Variants in L3MBTL4 observed in about 807,000 individuals in gnomAD.
L3MBTL4 encodes the protein L3MBTL histone methyl-lysine binding protein 4, also known as lethal(3)malignant brain tumor-like protein 4.
A neutral mutation model predicts 84.5 loss-of-function variants in L3MBTL4; 70 were observed. The ratio of observed to expected loss-of-function variants is 0.83; its 90% CI spans 0.68 to 1.01. The LOEUF (loss-of-function observed/expected upper bound fraction) is 1.01. Among genes scored for constraint, L3MBTL4 ranks in the 50% least tolerant of loss-of-function variants. The pLI, the probability that L3MBTL4 is intolerant of heterozygous loss-of-function variation, is 0.00. For missense variants in L3MBTL4, 715 were observed against 754.8 expected, an observed-to-expected ratio of 0.95 and a Z score of 0.62; for synonymous variants, 274 against 259.8, an observed-to-expected ratio of 1.05 and a Z score of -0.52.
chr18:6,092,572 G>C (rs1334008015), intron 15 of L3MBTL4, among the ~76,000 whole-genome samples: 1 of 152,140 alleles, frequency 6.6e-6, no homozygotes, highest in Non-Finnish European at 1.5e-5. Context: ...CCTGTGGCAG[G>C]GTCAGGAAAA....
At chr18:5,979,012 C>T (rs139425999) in intron 16 of L3MBTL4, among the ~76,000 whole-genome samples, 3 of 152,162 alleles carry the variant, frequency 2.0e-5, no homozygotes, top group Non-Finnish European at 2.9e-5. Flanking sequence ...ACCTCCACCC[C>T]CCGGCACAGC....
intron 4 of L3MBTL4, among the ~76,000 whole-genome samples, chr18:6,299,844 G>T (rs1266139414): frequency 6.6e-6 from 1 of 151,810 alleles, no homozygotes; most frequent in Non-Finnish European, 1.5e-5. Flanking sequence ...TATTTTTTTT[G>T]TATTTGTGGT....
At chr18:6,398,371 T>C (rs1171898476) in intron 1 of L3MBTL4, among the ~76,000 whole-genome samples, 1 of 152,054 alleles carries the variant, frequency 6.6e-6, no homozygotes, top group Non-Finnish European at 1.5e-5. Context: ...GACAGCACCC[T>C]CATCTGCAGG....
intron 2 of L3MBTL4, 102 bp from the exon 3 acceptor site, chr18:6,311,758 G>A: frequency 1.4e-6 from 1 of 696,006 alleles, no homozygotes; most frequent in South Asian, 1.7e-5. Context: ...TCTCATAGTT[G>A]GTTACTATAA....
At chr18:6,006,123 T>A (rs686252) in intron 16 of L3MBTL4, among the ~76,000 whole-genome samples, 114,687 of 152,064 alleles carry the variant, frequency 0.75, 43,657 homozygotes, top group Non-Finnish European at 0.78. Context: ...GGTTACGGAC[T>A]GTTTTAAACA....
chr18:5,981,646 T>C (rs2053221942), intron 16 of L3MBTL4, among the ~76,000 whole-genome samples: 1 of 144,548 alleles, frequency 6.9e-6, no homozygotes, highest in Non-Finnish European at 1.5e-5. Context: ...CAAGACTCCT[T>C]TCTTTGAGGA....
chr18:5,965,366 C>T (rs1414750166), intron 17 of L3MBTL4, among the ~76,000 whole-genome samples: 2 of 152,216 alleles, frequency 1.3e-5, no homozygotes, highest in Non-Finnish European at 2.9e-5. Flanking sequence ...GATAAAGAGG[C>T]TGTGCTTTCA....
chr18:6,390,390 A>G (rs957998266), intron 1 of L3MBTL4, among the ~76,000 whole-genome samples: 1 of 152,192 alleles, frequency 6.6e-6, no homozygotes. Context: ...AAGTTCACAA[A>G]TTAACAACTT....
intron 14 of L3MBTL4, among the ~76,000 whole-genome samples, chr18:6,127,708 A>C (rs1050389418): frequency 6.6e-6 from 1 of 152,220 alleles, no homozygotes; most frequent in Admixed American, 6.5e-5. Flanking sequence ...GTCTGCAGAT[A>C]GAGGATGCTA....
chr18:6,204,153 C>T (rs138983683), intron 12 of L3MBTL4, among the ~76,000 whole-genome samples: 93 of 152,356 alleles, frequency 6.1e-4, no homozygotes, highest in Non-Finnish European at 1.1e-3. Flanking sequence ...CTACACACCT[C>T]CTTTTTTCTA....
chr18:6,318,098 A>G (rs1310666707), intron 1 of L3MBTL4, among the ~76,000 whole-genome samples: 1 of 152,166 alleles, frequency 6.6e-6, no homozygotes, highest in African/African-American at 2.4e-5. Context: ...GAGAAAGGTT[A>G]AAAGGAGTTA....
chr18:5,998,752 C>T (rs1383723674), intron 16 of L3MBTL4, among the ~76,000 whole-genome samples: 1 of 152,106 alleles, frequency 6.6e-6, no homozygotes, highest in Non-Finnish European at 1.5e-5. Flanking sequence ...TTGCTGTTTT[C>T]CAGGATCCCT....
intron 1 of L3MBTL4, among the ~76,000 whole-genome samples, chr18:6,329,083 T>C (rs1255134193): frequency 6.6e-6 from 1 of 151,930 alleles, no homozygotes; most frequent in Non-Finnish European, 1.5e-5. Flanking sequence ...TCAAGGCAAA[T>C]CTTGATGGTT....
intron 1 of L3MBTL4, among the ~76,000 whole-genome samples, chr18:6,355,389 T>C (rs2053393916): frequency 6.6e-6 from 1 of 152,130 alleles, no homozygotes; most frequent in Admixed American, 6.5e-5. Context: ...ACCTGTAATG[T>C]TTTCAATAAT....
intron 1 of L3MBTL4, among the ~76,000 whole-genome samples, chr18:6,327,605 G>A (rs1445754043): frequency 2.6e-5 from 4 of 152,214 alleles, no homozygotes; most frequent in African/African-American, 7.2e-5. Context: ...GGAGACCAAC[G>A]ACAGCATAGC....
intron 16 of L3MBTL4, among the ~76,000 whole-genome samples, chr18:5,976,492 A>C (rs554337637): frequency 5.9e-5 from 9 of 152,144 alleles, no homozygotes; most frequent in Admixed American, 1.3e-4. Context: ...GATCCAATTA[A>C]CATGACTCTT....
At chr18:6,142,881 T>C (rs2060239988) in intron 13 of L3MBTL4, among the ~76,000 whole-genome samples, 1 of 151,928 alleles carries the variant, frequency 6.6e-6, no homozygotes, top group African/African-American at 2.4e-5. Context: ...AGTGAGACTG[T>C]ATCTCAAAAA....
chr18:6,197,525 T>C (rs997580584), intron 12 of L3MBTL4, among the ~76,000 whole-genome samples: 5 of 152,230 alleles, frequency 3.3e-5, no homozygotes, highest in Admixed American at 6.5e-5. Flanking sequence ...GATGGGCATT[T>C]GGGTTGATTC....
At chr18:6,292,563 C>T (rs193212825) in intron 4 of L3MBTL4, among the ~76,000 whole-genome samples, 1 of 152,264 alleles carries the variant, frequency 6.6e-6, no homozygotes, top group African/African-American at 2.4e-5. Context: ...ATACCTTCCC[C>T]CTATTGTAGG....
Sources: gnomAD v4.1 joint callset for allele counts (sites outside exome capture counted in the v4.1 genomes callset) on GRCh38, gnomAD v4.1.1 for gene constraint, MANE v1.5 for transcripts, NCBI Gene and HGNC (gene_info 2026-07-23, HGNC 2026-07-21) for gene names.